CSPG4: variants seen among roughly 807,000 people sequenced by gnomAD.
CSPG4 encodes the protein chondroitin sulfate proteoglycan 4.
A neutral mutation model predicts 139.3 loss-of-function variants in CSPG4; 74 were observed. The observed-to-expected ratio is 0.53, with a 90% confidence interval of 0.44 to 0.64. CSPG4 has a LOEUF of 0.64. Ranked by LOEUF, CSPG4 falls within the 30% of genes least tolerant of loss-of-function variation. CSPG4 has a pLI of 0.00. For synonymous variants in CSPG4, 1,234 were observed against 1,394.2 expected (o/e 0.89, Z 2.56); for missense variants, 2,565 against 3,148.3 (o/e 0.81, Z 4.43).
intron 1 of CSPG4, among the ~76,000 whole-genome samples, chr15:75,701,983 C>G (rs534216695): frequency 6.6e-6 from 1 of 152,384 alleles, no homozygotes; most frequent in Non-Finnish European, 1.5e-5. Flanking sequence ...TCATCTTCCT[C>G]TCTTGCTCCC....
Position 75,698,243 on chromosome 15 carries a change from C to T in CSPG4, c.89-5010G>A. On this transcript the variant is annotated intron_variant, in intron 1 of 9. Transcript: ENST00000308508. This position sits in a 1 kb window ranked among gnomAD's most constrained non-coding sequence, Gnocchi z 4.3. ...GCAGGGGTGAGGGAGTCTGAGGGGG[C>T]TGTGGGATGGGGTATTCTGGGAGGG... is the stretch of plus-strand genomic sequence containing the variant. Among the ~76,000 whole-genome samples the T allele has an allele frequency of 6.8e-6, 1 of 147,196 alleles. No homozygotes were observed. Among genetic ancestry groups the T allele is most frequent in the East Asian group, 2.0e-4 (1 of 4,938 alleles).
Position 75,676,367 on chromosome 15 carries a change from G to C in CSPG4, c.6152C>G (p.Ala2051Gly), listed in dbSNP as rs1435758028. ...VTVRALLHVW[A>G]GGPWPQGATL... is the part of the protein sequence containing the mutation. ...GGCACCCTGGGGCCATGGCCCACCTGCCCACACATGCAGCAGAGCCCTCAC... is the reference window on the plus strand; with the variant it reads ...GGCACCCTGGGGCCATGGCCCACCTCCCCACACATGCAGCAGAGCCCTCAC... Residue 2051 changes from alanine to glycine, a missense_variant, in exon 10 of 10, where the codon GCA (alanine) becomes GGA (glycine). Around this residue, in one of 5 missense-constraint regions of CSPG4, gnomAD observed 2,316 missense variants for 2,818.2 expected, o/e 0.82. Coordinates refer to ENST00000308508, the MANE Select transcript of CSPG4 (RefSeq NM_001897.5). 1.2e-6 allele frequency: 2 copies of C among 1,613,380 alleles called. No individual in the cohort carries two copies. Among genetic ancestry groups the C allele is most frequent in the Admixed American group, 1.7e-5 (1 of 60,030 alleles).
rs752072368 is a variant in CSPG4 at position 75,685,319 on chromosome 15, A to G, written c.4172T>C (p.Leu1391Pro). ...RVSGPYFPTL[L>P]GLSLQVLEPP... Reference sequence around the variant, plus strand: ...CTCCAGCACCTGCAGGCTGAGGCCCAGGAGAGTGGGGAAGTAGGGCCCGGA... The same window carrying G: ...CTCCAGCACCTGCAGGCTGAGGCCCGGGAGAGTGGGGAAGTAGGGCCCGGA... Residue 1391 changes from leucine (L) to proline (P), a missense_variant, in exon 4 of 10, where the codon CTG (leucine) becomes CCG (proline). This residue lies in a region of CSPG4 where 2,316 missense variants were observed against 2,818.2 expected (regional missense o/e 0.82). Coordinates refer to ENST00000308508, the MANE Select transcript of CSPG4 (RefSeq NM_001897.5). 4 of 1,603,534 alleles carry G rather than the reference A, an allele frequency of 2.5e-6. No homozygotes were observed. The highest frequency in any genetic ancestry group is 3.4e-6 in the Non-Finnish European group (4 of 1,174,246).
Position 75,683,100 on chromosome 15 carries a change from C to T in CSPG4, c.4450-59G>A, listed in dbSNP as rs547310280. On this transcript the variant is annotated intron_variant, in intron 5 of 9. Transcript: ENST00000308508. ...CCGCACTCACCCACCCCTTCCTCCC[C>T]GGCCCTGGGCTGCCACCAGGGCTCC... 4.3e-4 allele frequency: 660 copies of T among 1,522,604 alleles called. 1 individual carries two copies. The highest frequency in any genetic ancestry group is 7.3e-4 in the East Asian group (31 of 42,186). The allele number at this position is 1,522,604 out of a possible 1,614,324, so 94.3% of individuals were successfully genotyped here. A position where few individuals can be genotyped will look rare whatever the true frequency, so the allele number is the denominator to read the frequency against.
Position 75,688,486 on chromosome 15 carries a change from C to A in CSPG4, c.2579G>T (p.Gly860Val), listed in dbSNP as rs1261522413. Reference sequence around the variant, plus strand: ...TGCCTCTGAGGCACGTGCTGTGGCCCCATAGGTCACCCGGCCAGCCTGTAT... The same window carrying A: ...TGCCTCTGAGGCACGTGCTGTGGCCACATAGGTCACCCGGCCAGCCTGTAT... ...DDIQAGRVTY[G>V]ATARASEAVE... The change falls in exon 3 of 10, where the codon GGG (glycine) becomes GTG (valine). Residue 860 changes from glycine (G) to valine (V), a missense_variant. Gly to Val is a moderately radical substitution (Grantham distance 109). This residue lies in a region of CSPG4 where 2,316 missense variants were observed against 2,818.2 expected (regional missense o/e 0.82). Transcript: ENST00000308508. The A allele has an allele frequency of 6.2e-7, 1 of 1,613,182 alleles. No individual in the cohort carries two copies. The highest frequency in any genetic ancestry group is 1.1e-5 in the South Asian group (1 of 91,084).
intron 2 of CSPG4, among the ~76,000 whole-genome samples, chr15:75,691,246 G>A (rs1256116804): frequency 2.6e-5 from 4 of 152,148 alleles, no homozygotes; most frequent in African/African-American, 7.2e-5. Context: ...CCTAGGACAA[G>A]AGCCTCTGGT....
chr15:75,680,480 C>T (rs538818411), intron 8 of CSPG4: 3 of 152,574 alleles, frequency 2.0e-5, no homozygotes, highest in East Asian at 1.9e-4. Context: ...CAAATAAACA[C>T]GTCTGTGGGC....
chr15:75,697,310 G>A (rs1183506515), intron 1 of CSPG4, among the ~76,000 whole-genome samples: 3 of 152,022 alleles, frequency 2.0e-5, no homozygotes, highest in African/African-American at 7.2e-5. Flanking sequence ...CTGTCCCTGG[G>A]CACATCACCC....
At chr15:75,694,109 C>T (rs551257763) in intron 1 of CSPG4, among the ~76,000 whole-genome samples, 1 of 152,352 alleles carries the variant, frequency 6.6e-6, no homozygotes, top group Admixed American at 6.5e-5. Context: ...TTCCCCAGGC[C>T]ACCACGCAGG....
At chr15:75,707,223 C>G (rs1894385959) in intron 1 of CSPG4, among the ~76,000 whole-genome samples, 2 of 152,162 alleles carry the variant, frequency 1.3e-5, no homozygotes, top group Admixed American at 1.3e-4. Context: ...TCCCAAAGTG[C>G]TGGGATTACA....
rs1013532529 is a variant in CSPG4, at chr15:75,682,475, G to C, written c.4784-16C>G. The C allele has an allele frequency of 1.3e-6, 2 of 1,572,772 alleles. No homozygotes were observed. The highest frequency in any genetic ancestry group is 1.7e-6 in the Non-Finnish European group (2 of 1,163,336). ...TGGACGGACCCTGCCAGAGGCAAAAGGGGATATCAGATTTTGACTGGGAGC... is the reference window on the plus strand; with the variant it reads ...TGGACGGACCCTGCCAGAGGCAAAACGGGATATCAGATTTTGACTGGGAGC... On this transcript the variant is annotated splice_polypyrimidine_tract_variant and intron_variant, in intron 7 of 9. Coordinates refer to ENST00000308508, the MANE Select transcript of CSPG4 (RefSeq NM_001897.5).
chr15:75,710,184 A>C (rs941912660), intron 1 of CSPG4, among the ~76,000 whole-genome samples: 25 of 152,108 alleles, frequency 1.6e-4, no homozygotes, highest in African/African-American at 5.8e-4. Context: ...CCTGGGTCCC[A>C]CTTCAACCCC....
chr15:75,702,698 G>A (rs1311306844), intron 1 of CSPG4, among the ~76,000 whole-genome samples: 1 of 152,244 alleles, frequency 6.6e-6, no homozygotes, highest in Non-Finnish European at 1.5e-5. Context: ...GGGAGGGCTC[G>A]AGGGACTGCC....
At chr15:75,703,970 G>C (rs1226217705) in intron 1 of CSPG4, among the ~76,000 whole-genome samples, 1 of 88,536 alleles carries the variant, frequency 1.1e-5, no homozygotes, top group African/African-American at 5.0e-5. Flanking sequence ...CTGGGGCCAG[G>C]GGGTGGAAGA....
Position 75,675,889 on chromosome 15 carries a change from G to A in CSPG4, c.6630C>T (p.Ala2210=), listed in dbSNP as rs770430511. The A allele has an allele frequency of 6.2e-6, 10 of 1,604,786 alleles. No homozygotes were observed. Among genetic ancestry groups the A allele is most frequent in the Non-Finnish European group, 8.5e-6 (10 of 1,179,884 alleles). ...PMASSPEPAV[A]KGGFLSFLEA... is the part of the protein sequence containing the mutation. The stretch of plus-strand genomic sequence containing the variant: ...CAAGGAAGCTCAGGAAGCCTCCCTT[G>A]GCCACAGCGGGCTCAGGGCTGGATG... The change falls in exon 10 of 10, where the codon GCC becomes GCT. Residue 2210 remains alanine, a synonymous_variant. Transcript: ENST00000308508.
In CSPG4 at chr15:75,687,707, C is replaced by T. The variant is rs752535453; in HGVS notation, c.3358G>A (p.Val1120Met). Residue 1120 changes from valine (V) to methionine (M), a missense_variant, in exon 3 of 10, where the codon GTG (valine) becomes ATG (methionine). By Grantham distance (21) the Val-to-Met change is conservative. Transcript: ENST00000308508. This position sits in a 1 kb window ranked among gnomAD's most constrained non-coding sequence, Gnocchi z 5.4. ...GQHQATALLE[V>M]QASEPYLRVA... ...CGGAGGTAGGGTTCCGAGGCCTGCACCTCCAGCAGCGCAGTGGCCTGGTGT... is the reference window on the plus strand; with the variant it reads ...CGGAGGTAGGGTTCCGAGGCCTGCATCTCCAGCAGCGCAGTGGCCTGGTGT... 8.1e-6 allele frequency: 13 copies of T among 1,612,902 alleles called. No homozygotes were observed. Among genetic ancestry groups the T allele is most frequent in the Non-Finnish European group, 1.1e-5 (13 of 1,179,962 alleles).
intron 1 of CSPG4, among the ~76,000 whole-genome samples, chr15:75,708,388 A>T (rs372517800): frequency 0.029 from 3,674 of 128,256 alleles, 84 homozygotes; most frequent in African/African-American, 0.058. Context: ...CAGAGACAAA[A>T]GTGGCTTCAT....
Position 75,677,251 on chromosome 15 carries a change from G to A in CSPG4, c.5268C>T (p.Ser1756=). The A allele has an allele frequency of 6.7e-7, 1 of 1,490,558 alleles. No individual in the cohort carries two copies. The highest frequency in any genetic ancestry group is 9.0e-7 in the Non-Finnish European group (1 of 1,115,764). The allele number at this position is 1,490,558 out of a possible 1,614,324, so 92.3% of individuals were successfully genotyped here. Residue 1756 remains serine, a synonymous_variant, in exon 10 of 10, where the codon AGC becomes AGT. Transcript: ENST00000308508. ...DVLFQVTQFP[S]RGQLLVSEEP... is the part of the protein sequence containing the mutation. ...CCTCGGACACCAACAGCTGGCCCCG[G>A]CTGGGGAACTGTGTGACCTGGAAGA...
chr15:75,689,050 C>A lies in CSPG4; in HGVS notation c.2015G>T (p.Arg672Leu), dbSNP rs527538352. The change falls in exon 3 of 10, where the codon CGA becomes CTA. Residue 672 changes from arginine (R) to leucine (L), a missense_variant. By Grantham distance (102) the Arg-to-Leu change is moderately radical (BLOSUM62 -2). Transcript: ENST00000308508. ...AIQIHRSTGL[R>L]LAQGSAMPIL... ...GGGCATGGCAGAGCCTTGGGCCAGTCGCAACCCTGTGCTGCGGTGGATCTG... is the reference window on the plus strand; with the variant it reads ...GGGCATGGCAGAGCCTTGGGCCAGTAGCAACCCTGTGCTGCGGTGGATCTG... 6.2e-7 allele frequency: 1 copy of A among 1,611,294 alleles called. No homozygotes were observed. The highest frequency in any genetic ancestry group is 1.7e-5 in the Admixed American group (1 of 60,022).
Sources: gnomAD v4.1 joint callset for allele counts (sites outside exome capture counted in the v4.1 genomes callset) on GRCh38, gnomAD v4.1.1 for gene constraint, gnomAD v4.1.1 regional missense constraint, Gnocchi (gnomAD v3.1) non-coding constraint, MANE v1.5 for transcripts, NCBI Gene and HGNC (gene_info 2026-07-23, HGNC 2026-07-21) for gene names.